The following LHFPL6 variants were observed in gnomAD, a reference collection of about 807,000 sequenced individuals.
The protein encoded by LHFPL6 is LHFPL tetraspan subfamily member 6 protein.
LHFPL6 carries 9 observed loss-of-function variants against 20.6 expected under a neutral mutation model. The ratio of observed to expected loss-of-function variants is 0.44; its 90% CI spans 0.26 to 0.76. LHFPL6 has a LOEUF of 0.76. Ranked by LOEUF, LHFPL6 falls within the 30% of genes least tolerant of loss-of-function variation. The pLI, the probability that LHFPL6 is intolerant of heterozygous loss-of-function variation, is 0.20. For missense variants in LHFPL6, 218 were observed against 253.5 expected (o/e 0.86, Z 0.95); for synonymous variants, 105 against 98.7 (o/e 1.06, Z -0.38).
chr13:39,417,157 C>T (rs1871369915), intron 2 of LHFPL6, among the ~76,000 whole-genome samples: 1 of 152,156 alleles, frequency 6.6e-6, no homozygotes, highest in Non-Finnish European at 1.5e-5. Flanking sequence ...TCTTTGGAAT[C>T]ATCCTGCCTT....
chr13:39,343,735 T>C lies in LHFPL6; in HGVS notation c.*201A>G. The C allele has an allele frequency of 3.7e-6, 2 of 541,690 alleles. No homozygotes were observed. Among genetic ancestry groups the C allele is most frequent in the Non-Finnish European group, 6.6e-6 (2 of 304,252 alleles). The allele number at this position is 541,690 out of a possible 1,614,324, so 33.6% of individuals were successfully genotyped here. On this transcript the variant is annotated 3_prime_UTR_variant, in exon 4 of 4. Transcript: ENST00000379589. ...TTTGGTCCATTTTTCTCCATCATTC[T>C]ATACTCTCCTTTTTTTTCCCCCACA...
chr13:39,359,001 T>C (rs1566093072), intron 3 of LHFPL6, among the ~76,000 whole-genome samples: 1 of 152,006 alleles, frequency 6.6e-6, no homozygotes, highest in South Asian at 2.1e-4. Context: ...TGAAACCCCA[T>C]CTCTACTAAA....
chr13:39,408,634 CCTT>C (rs1871176082), intron 2 of LHFPL6, among the ~76,000 whole-genome samples: 2 of 152,192 alleles, frequency 1.3e-5, no homozygotes, highest in African/African-American at 4.8e-5. Context: ...AACACTTATT[CCTT>C]ATTGTTGAAC....
intron 2 of LHFPL6, among the ~76,000 whole-genome samples, chr13:39,599,677 T>C (rs1415172118): frequency 6.6e-6 from 1 of 152,156 alleles, no homozygotes; most frequent in Non-Finnish European, 1.5e-5. Flanking sequence ...AACACAAAAC[T>C]TTGCCACTTG....
chr13:39,356,123 C>T (rs7334522), intron 3 of LHFPL6, among the ~76,000 whole-genome samples: 6,235 of 152,208 alleles, frequency 0.041, 293 homozygotes, highest in African/African-American at 0.11. Context: ...ACATGTTCAG[C>T]GATAAAGCAC....
rs148481947 is a variant in LHFPL6, at chr13:39,431,664, G to A, written c.386-53138C>T. ...CTGTCTTCTCCATCTAAGTTGATGAGAACTCCAAATTCTCATTGTTTATTA... is the reference window on the plus strand; with the variant it reads ...CTGTCTTCTCCATCTAAGTTGATGAAAACTCCAAATTCTCATTGTTTATTA... On this transcript the variant is annotated intron_variant, in intron 2 of 3. Coordinates refer to ENST00000379589, the MANE Select transcript of LHFPL6 (RefSeq NM_005780.3). 4.3e-3 allele frequency among the ~76,000 whole-genome samples: 584 copies of A among 136,264 alleles called. 6 individuals carry two copies. The highest frequency in any genetic ancestry group is 0.043 in the South Asian group (168 of 3,940). The allele number at this position is 136,264 out of a possible 152,430, so 89.4% of individuals were successfully genotyped here.
intron 2 of LHFPL6, among the ~76,000 whole-genome samples, chr13:39,470,760 T>G (rs1872923094): frequency 6.6e-6 from 1 of 152,172 alleles, no homozygotes; most frequent in African/African-American, 2.4e-5. Flanking sequence ...TTAAAAGAAT[T>G]TGAGTGAAAA....
intron 2 of LHFPL6, among the ~76,000 whole-genome samples, chr13:39,453,359 G>A: frequency 6.6e-6 from 1 of 152,190 alleles, no homozygotes; most frequent in Non-Finnish European, 1.5e-5. Context: ...CTATATCAAT[G>A]TTAGGCTTAT....
At chr13:39,388,960 T>C (rs888772255) in intron 2 of LHFPL6, among the ~76,000 whole-genome samples, 2 of 152,226 alleles carry the variant, frequency 1.3e-5, no homozygotes, top group Admixed American at 6.5e-5. Flanking sequence ...ATTGCACTCA[T>C]TGTGCGATCC....
chr13:39,479,036 T>C (rs116988998), intron 2 of LHFPL6, among the ~76,000 whole-genome samples: 47 of 88,202 alleles, frequency 5.3e-4, no homozygotes, highest in African/African-American at 2.1e-3. Context: ...GAGATAGATA[T>C]AGATAGATAG....
chr13:39,391,905 C>T (rs554711929), intron 2 of LHFPL6, among the ~76,000 whole-genome samples: 109 of 152,314 alleles, frequency 7.2e-4, no homozygotes, highest in Admixed American at 2.5e-3. Context: ...GAATAGCTGA[C>T]AGACAGCAGT....
intron 3 of LHFPL6, among the ~76,000 whole-genome samples, chr13:39,347,542 A>G (rs542892766): frequency 6.6e-6 from 1 of 152,270 alleles, no homozygotes; most frequent in Admixed American, 6.5e-5. Flanking sequence ...GCTAAATTTA[A>G]CGGGGTAACA....
At chr13:39,517,122 T>C (rs1869950303) in intron 2 of LHFPL6, among the ~76,000 whole-genome samples, 1 of 152,170 alleles carries the variant, frequency 6.6e-6, no homozygotes, top group South Asian at 2.1e-4. Flanking sequence ...TTGCCAAATC[T>C]CTAAAGGTTT....
chr13:39,516,861 G>A (rs1314959126), intron 2 of LHFPL6, among the ~76,000 whole-genome samples: 1 of 152,218 alleles, frequency 6.6e-6, no homozygotes, highest in Admixed American at 6.5e-5. Flanking sequence ...TGCCAACAGT[G>A]GAGGGAGTCG....
intron 2 of LHFPL6, among the ~76,000 whole-genome samples, chr13:39,431,498 C>G (rs1356036527): frequency 6.6e-6 from 1 of 152,172 alleles, no homozygotes; most frequent in Non-Finnish European, 1.5e-5. Flanking sequence ...GTCTGAATCC[C>G]AAGACTGAAA....
chr13:39,391,922 G>A (rs1163573090), intron 2 of LHFPL6, among the ~76,000 whole-genome samples: 5 of 152,186 alleles, frequency 3.3e-5, no homozygotes, highest in Non-Finnish European at 5.9e-5. Context: ...CAGTATGGAA[G>A]CAATTTCTTT....
chr13:39,462,541 T>C (rs1345989196), intron 2 of LHFPL6, among the ~76,000 whole-genome samples: 1 of 152,200 alleles, frequency 6.6e-6, no homozygotes, highest in Admixed American at 6.5e-5. Flanking sequence ...TATAAAGTTA[T>C]ATATCATTCA....
intron 2 of LHFPL6, among the ~76,000 whole-genome samples, chr13:39,396,318 C>T (rs1318443026): frequency 1.3e-5 from 2 of 152,100 alleles, no homozygotes; most frequent in African/African-American, 2.4e-5. Flanking sequence ...ACTATCCTAA[C>T]CTGGTGTTAT....
At chr13:39,512,463 A>G (rs906231749) in intron 2 of LHFPL6, among the ~76,000 whole-genome samples, 17 of 152,002 alleles carry the variant, frequency 1.1e-4, no homozygotes, top group African/African-American at 2.4e-4. Flanking sequence ...TTAGCCGGGC[A>G]TGGTGGCGGG....
Sources: gnomAD v4.1 joint callset for allele counts (sites outside exome capture counted in the v4.1 genomes callset) on GRCh38, gnomAD v4.1.1 for gene constraint, MANE v1.5 for transcripts, NCBI Gene and HGNC (gene_info 2026-07-23, HGNC 2026-07-21) for gene names.